Variants in CERS6 observed in about 807,000 individuals in gnomAD.
The protein encoded by CERS6 is ceramide synthase 6, also known as LAG1 homolog, ceramide synthase 6.
CERS6 carries 26 observed loss-of-function variants against 56.8 expected under a neutral mutation model. That is an observed-to-expected ratio of 0.46 (90% CI 0.34 to 0.63). The LOEUF is 0.63. CERS6 is among the 30% of genes least tolerant of loss of function. The pLI is 0.01. For synonymous variants in CERS6, 164 were observed against 173.3 expected (o/e 0.95, Z 0.42); for missense variants, 415 against 467.5 (o/e 0.89, Z 1.04).
At chr2:168,529,678 T>C (rs1695131537) in intron 1 of CERS6, among the ~76,000 whole-genome samples, 1 of 152,214 alleles carries the variant, frequency 6.6e-6, no homozygotes, top group Admixed American at 6.5e-5. Context: ...CATTCATCTC[T>C]TCAGTTTTTA....
At chr2:168,564,110 C>A (rs1320454141) in intron 3 of CERS6, among the ~76,000 whole-genome samples, 1 of 152,112 alleles carries the variant, frequency 6.6e-6, no homozygotes, top group African/African-American at 2.4e-5. Context: ...CAGATTTAGT[C>A]TTCAATCTCA....
chr2:168,669,709 A>C (rs1324724920), intron 4 of CERS6, among the ~76,000 whole-genome samples: 1 of 152,156 alleles, frequency 6.6e-6, no homozygotes, highest in African/African-American at 2.4e-5. Flanking sequence ...GCCCTTGTGA[A>C]TTTATAGCAT....
At chr2:168,511,574 A>C (rs1244169232) in intron 1 of CERS6, among the ~76,000 whole-genome samples, 1 of 152,144 alleles carries the variant, frequency 6.6e-6, no homozygotes, top group Admixed American at 6.5e-5. Flanking sequence ...GGGCCTTTTT[A>C]GGCTGAGGAC....
intron 3 of CERS6, among the ~76,000 whole-genome samples, chr2:168,612,967 C>A (rs1684225214): frequency 1.3e-5 from 2 of 152,106 alleles, no homozygotes; most frequent in South Asian, 4.1e-4. Flanking sequence ...CTAATGCCAG[C>A]CTACCTCTTG....
chr2:168,514,095 C>A (rs1574035218), intron 1 of CERS6, among the ~76,000 whole-genome samples: 4 of 152,174 alleles, frequency 2.6e-5, no homozygotes, highest in Admixed American at 2.0e-4. Flanking sequence ...TTGCCATTTT[C>A]ATTCTTGACC....
At chr2:168,641,346 A>T (rs1685040939) in intron 4 of CERS6, among the ~76,000 whole-genome samples, 1 of 152,148 alleles carries the variant, frequency 6.6e-6, no homozygotes, top group Admixed American at 6.5e-5. Context: ...TTCCCATAGA[A>T]ACTGCACGGA....
chr2:168,711,237 T>G (rs1687080632), intron 6 of CERS6, among the ~76,000 whole-genome samples: 1 of 152,218 alleles, frequency 6.6e-6, no homozygotes, highest in Admixed American at 6.5e-5. Flanking sequence ...AGTTGACTTT[T>G]GAAACCCCAA....
At chr2:168,711,997 G>T (rs1687103890) in intron 6 of CERS6, among the ~76,000 whole-genome samples, 1 of 152,118 alleles carries the variant, frequency 6.6e-6, no homozygotes, top group Non-Finnish European at 1.5e-5. Context: ...TAGAGACAGA[G>T]GCCTCTCTGA....
At chr2:168,693,626 G>C (rs1258830223) in intron 5 of CERS6, among the ~76,000 whole-genome samples, 1 of 152,132 alleles carries the variant, frequency 6.6e-6, no homozygotes, top group African/African-American at 2.4e-5. Flanking sequence ...TACTCAGGGA[G>C]ATGCTGAATT....
chr2:168,685,900 A>G (rs1479009133), intron 4 of CERS6, among the ~76,000 whole-genome samples: 1 of 151,680 alleles, frequency 6.6e-6, no homozygotes, highest in East Asian at 1.9e-4. Flanking sequence ...TTAGATTGAG[A>G]GAGTTAGAGG....
intron 8 of CERS6, among the ~76,000 whole-genome samples, chr2:168,735,789 G>A (rs1683697236): frequency 6.6e-6 from 1 of 151,156 alleles, no homozygotes; most frequent in South Asian, 2.1e-4. Context: ...GGCTAAGGCA[G>A]GAGGATCACT....
intron 4 of CERS6, among the ~76,000 whole-genome samples, chr2:168,688,472 C>T (rs1157546668): frequency 6.6e-6 from 1 of 150,934 alleles, no homozygotes; most frequent in African/African-American, 2.4e-5. Context: ...CAGATTCATA[C>T]ACCAGTGTTG....
intron 8 of CERS6, among the ~76,000 whole-genome samples, chr2:168,754,968 C>A (rs776303735): frequency 6.6e-6 from 1 of 152,106 alleles, no homozygotes; most frequent in African/African-American, 2.4e-5. Context: ...AGACAAGGTC[C>A]CACTATGTTG....
chr2:168,615,546 A>C (rs1463175412), intron 3 of CERS6, among the ~76,000 whole-genome samples: 14 of 152,188 alleles, frequency 9.2e-5, no homozygotes. Context: ...TTTAGGAAAT[A>C]CTGGATGCAC....
chr2:168,547,045 C>T (rs1052000058), intron 1 of CERS6, among the ~76,000 whole-genome samples: 3 of 152,186 alleles, frequency 2.0e-5, no homozygotes, highest in Non-Finnish European at 4.4e-5. Context: ...CTTCATTACT[C>T]TTTATGAGAA....
chr2:168,518,145 A>G (rs1694916332), intron 1 of CERS6, among the ~76,000 whole-genome samples: 2 of 152,214 alleles, frequency 1.3e-5, no homozygotes, highest in Non-Finnish European at 2.9e-5. Flanking sequence ...TAGGGCCCAA[A>G]TCTGAAAGTA....
chr2:168,719,111 A>G (rs1456975618), intron 8 of CERS6, among the ~76,000 whole-genome samples: 1 of 152,182 alleles, frequency 6.6e-6, no homozygotes, highest in Non-Finnish European at 1.5e-5. Context: ...GTGAAAATTT[A>G]CTGGTCATTT....
At chr2:168,572,808 G>A (rs1696015257) in intron 3 of CERS6, among the ~76,000 whole-genome samples, 1 of 152,086 alleles carries the variant, frequency 6.6e-6, no homozygotes, top group Non-Finnish European at 1.5e-5. Context: ...TCAATACCTT[G>A]AGTTCTGGGA....
At chr2:168,461,049 GTGAA>G (rs1345428935) in intron 1 of CERS6, among the ~76,000 whole-genome samples, 5 of 152,092 alleles carry the variant, frequency 3.3e-5, no homozygotes, top group Non-Finnish European at 5.9e-5. Flanking sequence ...AGGGGAGTGA[GTGAA>G]TGACTACTAG....
Sources: gnomAD v4.1 joint callset for allele counts (sites outside exome capture counted in the v4.1 genomes callset) on GRCh38, gnomAD v4.1.1 for gene constraint, MANE v1.5 for transcripts, NCBI Gene and HGNC (gene_info 2026-07-23, HGNC 2026-07-21) for gene names.